RMND1: variants seen among roughly 807,000 people sequenced by gnomAD.
RMND1 encodes required for meiotic nuclear division protein 1 homolog.
Under a neutral mutation model 54.0 loss-of-function variants are expected in RMND1, and 41 were observed. That is an observed-to-expected ratio of 0.76 (90% CI 0.59 to 0.98). RMND1 has a LOEUF of 0.98. Ranked by LOEUF, RMND1 falls within the 50% of genes least tolerant of loss-of-function variation. The probability of loss-of-function intolerance (pLI) is 0.00; values close to 1 mark genes in which losing one functional copy is unlikely to be tolerated. For synonymous variants in RMND1, 183 were observed against 181.7 expected (o/e 1.01, Z -0.06); for missense variants, 457 against 532.0 (o/e 0.86, Z 1.39).
chr6:151,417,203 C>A, intron 10 of RMND1, 76 bp downstream of exon 10: 1 of 1,445,148 alleles, frequency 6.9e-7, no homozygotes, highest in South Asian at 1.3e-5. Context: ...AGATATTTCT[C>A]TGCAAGCAGT....
chr6:151,410,059 T>A (rs1196471676), intron 10 of RMND1, among the ~76,000 whole-genome samples: 1 of 147,744 alleles, frequency 6.8e-6, no homozygotes, highest in African/African-American at 2.5e-5. Flanking sequence ...TTTGTTCCAT[T>A]TTTTTTTTTT....
At chr6:151,424,686 G>A (rs1780245702) in intron 6 of RMND1, among the ~76,000 whole-genome samples, 1 of 152,150 alleles carries the variant, frequency 6.6e-6, no homozygotes. Context: ...ACACTGACAT[G>A]ATGGGGTTGG....
chr6:151,410,625 G>C (rs1414911543), intron 10 of RMND1, among the ~76,000 whole-genome samples: 1 of 152,134 alleles, frequency 6.6e-6, no homozygotes, highest in Non-Finnish European at 1.5e-5. Flanking sequence ...ATGTCCCACA[G>C]TGAGACTGGG....
intron 4 of RMND1, among the ~76,000 whole-genome samples, chr6:151,432,674 T>C (rs910479184): frequency 6.6e-6 from 1 of 152,106 alleles, no homozygotes; most frequent in Non-Finnish European, 1.5e-5. Flanking sequence ...AGTCGGCCTT[T>C]AGATAAAAGG....
intron 10 of RMND1, among the ~76,000 whole-genome samples, chr6:151,410,958 T>C (rs186098205): frequency 5.8e-4 from 88 of 152,274 alleles, no homozygotes; most frequent in African/African-American, 2.1e-3. Context: ...GACTTTATCT[T>C]ATTTATTAAT....
chr6:151,413,429 G>A (rs1043792773), intron 10 of RMND1, among the ~76,000 whole-genome samples: 4 of 152,024 alleles, frequency 2.6e-5, no homozygotes, highest in Non-Finnish European at 4.4e-5. Context: ...ACTAATTTAT[G>A]GGGTTTCACC....
intron 4 of RMND1, among the ~76,000 whole-genome samples, chr6:151,431,393 C>T (rs549733940): frequency 1.3e-5 from 2 of 152,250 alleles, no homozygotes; most frequent in South Asian, 2.1e-4. Context: ...AAGAATGACC[C>T]TGCTTACAAT....
chr6:151,435,133 G>A (rs1348604375), intron 3 of RMND1, among the ~76,000 whole-genome samples: 2 of 150,092 alleles, frequency 1.3e-5, no homozygotes, highest in African/African-American at 4.9e-5. Context: ...CAGGTATGAG[G>A]CATCACGCCC....
intron 1 of RMND1, among the ~76,000 whole-genome samples, chr6:151,451,763 C>T (rs1392931847): frequency 6.6e-6 from 1 of 152,134 alleles, no homozygotes; most frequent in Non-Finnish European, 1.5e-5. Flanking sequence ...GGGAGTATGC[C>T]GTTCAATTCC....
intron 10 of RMND1, among the ~76,000 whole-genome samples, chr6:151,414,638 AAATAT>A (rs1464146185): frequency 6.6e-6 from 1 of 152,216 alleles, no homozygotes; most frequent in Non-Finnish European, 1.5e-5. Context: ...TAGAACTGAA[AAATAT>A]AATAAATGAA....
intron 8 of RMND1, 62 bp from the exon 9 acceptor site, chr6:151,421,383 G>T (rs1780147143): frequency 4.3e-6 from 5 of 1,166,350 alleles, no homozygotes; most frequent in Non-Finnish European, 1.2e-6. Flanking sequence ...ATAAGCATTA[G>T]GTCAACAGGG....
chr6:151,405,114 C>G lies in RMND1; in HGVS notation c.*121G>C. 1 of 793,108 alleles carries G rather than the reference C, an allele frequency of 1.3e-6. No homozygotes were observed. Among genetic ancestry groups the G allele is most frequent in the South Asian group, 1.6e-5 (1 of 62,556 alleles). The allele number at this position is 793,108 out of a possible 1,614,324, so 49.1% of individuals were successfully genotyped here. A position where few individuals can be genotyped will look rare whatever the true frequency, so the allele number is the denominator to read the frequency against. On this transcript the variant is annotated 3_prime_UTR_variant, in exon 12 of 12. Transcript: ENST00000444024. Reference sequence around the variant, plus strand: ...GAGCTCCTGATCTCATCTCAAGCCACCCTTCTTGGCCTCCGAAAGTGCTGG... The same window carrying G: ...GAGCTCCTGATCTCATCTCAAGCCAGCCTTCTTGGCCTCCGAAAGTGCTGG...
chr6:151,445,728 T>A lies in RMND1; in HGVS notation c.84A>T (p.Leu28=). ...CAAATTCCTTAAGTGGTTTTAACAT[T>A]AGATGACCGATTCTTCGGCACTGAT... ...KAHQCRRIGH[L]MLKPLKEFEN... Residue 28 remains leucine (L), a synonymous_variant, in exon 2 of 12, where the codon CTA becomes CTT. Transcript: ENST00000444024. The A allele has an allele frequency of 6.2e-7, 1 of 1,614,098 alleles. No individual in the cohort carries two copies. Among genetic ancestry groups the A allele is most frequent in the Non-Finnish European group, 8.5e-7 (1 of 1,180,020 alleles).
chr6:151,450,143 CCA>C (rs1387558669), intron 1 of RMND1, among the ~76,000 whole-genome samples: 1 of 122,040 alleles, frequency 8.2e-6, no homozygotes, highest in East Asian at 4.1e-4. Flanking sequence ...TGCCCGGCCG[CCA>C]TCCCATCTAG....
rs369311217 is a variant in RMND1, at chr6:151,410,302, T to G, written c.1201-4466A>C. Among the ~76,000 whole-genome samples the G allele has an allele frequency of 7.2e-4, 109 of 152,140 alleles. 1 individual carries two copies. The highest frequency in any genetic ancestry group is 1.8e-3 in the African/African-American group (75 of 41,508). On this transcript the variant is annotated intron_variant, in intron 10 of 11. Transcript: ENST00000444024. Reference sequence around the variant, plus strand: ...GATCTCCTGACCTTGTGATCCGCCCTCCTTGGCCTCCCAAAATGCTGGGAT... The same window carrying G: ...GATCTCCTGACCTTGTGATCCGCCCGCCTTGGCCTCCCAAAATGCTGGGAT...
chr6:151,431,067 G>A (rs1042693910), intron 4 of RMND1, among the ~76,000 whole-genome samples: 1 of 152,052 alleles, frequency 6.6e-6, no homozygotes, highest in Admixed American at 6.6e-5. Flanking sequence ...AGAGTATGCA[G>A]AGTATACCAT....
intron 2 of RMND1, among the ~76,000 whole-genome samples, chr6:151,438,848 T>C (rs967083275): frequency 1.3e-5 from 2 of 151,544 alleles, no homozygotes; most frequent in African/African-American, 4.9e-5. Context: ...GCCCAATGAC[T>C]CACGTCTGTA....
At chr6:151,406,596 C>A (rs1334541232) in intron 10 of RMND1, among the ~76,000 whole-genome samples, 1 of 152,080 alleles carries the variant, frequency 6.6e-6, no homozygotes, top group African/African-American at 2.4e-5. Flanking sequence ...GTGATCCGCC[C>A]GCCTCGGCCT....
At chr6:151,449,140 G>A (rs1446630025) in intron 1 of RMND1, among the ~76,000 whole-genome samples, 9 of 149,854 alleles carry the variant, frequency 6.0e-5, no homozygotes, top group Non-Finnish European at 1.3e-4. Context: ...AGGCCGAGGC[G>A]GGTGATTCAC....
Sources: gnomAD v4.1 joint callset for allele counts (sites outside exome capture counted in the v4.1 genomes callset) on GRCh38, gnomAD v4.1.1 for gene constraint, MANE v1.5 for transcripts, NCBI Gene and HGNC (gene_info 2026-07-23, HGNC 2026-07-21) for gene names.